PUDP: variants seen among roughly 807,000 people sequenced by gnomAD.
PUDP encodes the protein pseudouridine 5'-phosphatase.
A neutral mutation model predicts 9.4 loss-of-function variants in PUDP; 8 were observed. The ratio of observed to expected loss-of-function variants is 0.85; its 90% CI spans 0.50 to 1.53. PUDP has a LOEUF of 1.53. PUDP is among the 40% of genes most tolerant of loss of function. The probability of loss-of-function intolerance (pLI) is 0.00; values close to 1 mark genes in which losing one functional copy is unlikely to be tolerated. For missense variants in PUDP, 188 were observed against 189.7 expected (o/e 0.99, Z 0.05); for synonymous variants, 99 against 80.7 (o/e 1.23, Z -1.22).
chrX:7,117,469 T>C (rs776095597), intron 1 of PUDP, among the ~76,000 whole-genome samples: 3 of 112,739 alleles, frequency 2.7e-5, no homozygotes, highest in African/African-American at 3.2e-5. Flanking sequence ...GGTAATCCTT[T>C]AGGTTATCTA....
At chrX:6,813,477 G>T (rs1384402411) in intron 3 of PUDP, among the ~76,000 whole-genome samples, 1 of 111,446 alleles carries the variant, frequency 9.0e-6, no homozygotes, top group African/African-American at 3.3e-5. Context: ...TCCTTCCAAA[G>T]AATTCTCTCC....
At chrX:6,945,202 C>T (rs1276350952) in intron 3 of PUDP, among the ~76,000 whole-genome samples, 1 of 110,804 alleles carries the variant, frequency 9.0e-6, no homozygotes, top group African/African-American at 3.3e-5. Context: ...TTTGGGGTAC[C>T]GGGTGAGTGG....
At chrX:6,910,302 T>C (rs1485898633) in intron 3 of PUDP, among the ~76,000 whole-genome samples, 1 of 112,107 alleles carries the variant, frequency 8.9e-6, no homozygotes, top group East Asian at 2.8e-4. Context: ...AGCATCTTTT[T>C]CATTCAGCAG....
chrX:6,950,512 G>A (rs1473888019), intron 3 of PUDP, among the ~76,000 whole-genome samples: 8 of 93,488 alleles, frequency 8.6e-5, no homozygotes, highest in African/African-American at 2.4e-4. Flanking sequence ...CCGGGTTCAC[G>A]CCATTCTCCT....
At chrX:6,707,152 A>C (rs1047842179) in intron 1 of PUDP, among the ~76,000 whole-genome samples, 24 of 111,386 alleles carry the variant, frequency 2.2e-4, no homozygotes, top group African/African-American at 7.5e-4. Flanking sequence ...AAGTAGAGGA[A>C]ATTTTTTCTC....
chrX:7,001,211 A>G (rs1187970519), intron 1 of PUDP, among the ~76,000 whole-genome samples: 5 of 111,049 alleles, frequency 4.5e-5, no homozygotes, highest in African/African-American at 1.6e-4. Flanking sequence ...GCCACAAAAT[A>G]TAAAGAATTA....
chrX:7,114,640 G>T (rs1213589665), intron 1 of PUDP, among the ~76,000 whole-genome samples: 10 of 111,523 alleles, frequency 9.0e-5, no homozygotes, highest in Non-Finnish European at 1.1e-4. Flanking sequence ...GCTGGGGTGG[G>T]ACCTAGCAAT....
intron 1 of PUDP, among the ~76,000 whole-genome samples, chrX:7,005,000 G>A (rs1336120302): frequency 8.9e-6 from 1 of 112,060 alleles, no homozygotes; most frequent in Non-Finnish European, 1.9e-5. Flanking sequence ...TATTCGACTC[G>A]AATGCTTATT....
chrX:7,056,282 G>C (rs1350602041), intron 3 of PUDP, among the ~76,000 whole-genome samples: 4 of 111,866 alleles, frequency 3.6e-5, no homozygotes, highest in Admixed American at 2.8e-4. Context: ...AGGTGGAAGT[G>C]CCCACGGCTC....
chrX:6,807,981 C>A (rs766326778), intron 3 of PUDP, among the ~76,000 whole-genome samples: 4 of 111,492 alleles, frequency 3.6e-5, no homozygotes, highest in African/African-American at 1.3e-4. Flanking sequence ...AATGAGGGTA[C>A]CAGTTCCATT....
chrX:6,775,709 G>A (rs185269151), intron 3 of PUDP, among the ~76,000 whole-genome samples: 298 of 110,494 alleles, frequency 2.7e-3, no homozygotes, highest in Non-Finnish European at 3.5e-3. Flanking sequence ...GGTGATGAGC[G>A]GTGATGAGGG....
At chrX:6,709,776 G>C (rs1406190584) in intron 1 of PUDP, among the ~76,000 whole-genome samples, 1 of 112,065 alleles carries the variant, frequency 8.9e-6, no homozygotes, top group Non-Finnish European at 1.9e-5. Context: ...TATTTGTAAA[G>C]TTTCCTTATT....
intron 1 of PUDP, among the ~76,000 whole-genome samples, chrX:7,118,870 T>G (rs1932265296): frequency 8.9e-6 from 1 of 112,286 alleles, no homozygotes; most frequent in African/African-American, 3.2e-5. Context: ...ACCTACTTTG[T>G]GCTAGGCACC....
chrX:6,730,810 G>A (rs777737411), intron 3 of PUDP, among the ~76,000 whole-genome samples: 16 of 112,095 alleles, frequency 1.4e-4, no homozygotes, highest in Non-Finnish European at 2.8e-4. Context: ...AGTGCTAGAA[G>A]TGAGGCACCA....
intron 1 of PUDP, among the ~76,000 whole-genome samples, chrX:6,991,278 T>C (rs1476399620): frequency 9.0e-6 from 1 of 111,694 alleles, no homozygotes; most frequent in African/African-American, 3.3e-5. Context: ...TTTTTTTTTC[T>C]TGCCCACTCA....
chrX:7,107,418 G>GT (rs1181367521), intron 1 of PUDP, among the ~76,000 whole-genome samples: 2 of 112,842 alleles, frequency 1.8e-5, no homozygotes, highest in Non-Finnish European at 3.7e-5. Context: ...CAAGAGGCAT[G>GT]TAAGTCTTCA....
chrX:6,759,425 C>T (rs1201982315), intron 3 of PUDP, among the ~76,000 whole-genome samples: 1 of 112,070 alleles, frequency 8.9e-6, no homozygotes, highest in Non-Finnish European at 1.9e-5. Flanking sequence ...AGGTTCTCTG[C>T]AGAGAGCAGG....
chrX:6,913,995 G>A (rs1254551159), intron 3 of PUDP, among the ~76,000 whole-genome samples: 1 of 109,234 alleles, frequency 9.2e-6, no homozygotes, highest in African/African-American at 3.3e-5. Context: ...GTGAAACCCC[G>A]TCTCTACTAA....
chrX:6,857,970 G>C (rs1926932308), intron 3 of PUDP, among the ~76,000 whole-genome samples: 1 of 111,775 alleles, frequency 8.9e-6, no homozygotes, highest in Non-Finnish European at 1.9e-5. Flanking sequence ...ATGGTAATGA[G>C]GTGACTCAGG....
Sources: gnomAD v4.1 joint callset for allele counts (sites outside exome capture counted in the v4.1 genomes callset) on GRCh38, gnomAD v4.1.1 for gene constraint, MANE v1.5 for transcripts, NCBI Gene and HGNC (gene_info 2026-07-23, HGNC 2026-07-21) for gene names.